The following STXBP6 variants were observed in gnomAD, a reference collection of about 807,000 sequenced individuals.
STXBP6 encodes the protein syntaxin binding protein 6.
STXBP6 carries 21 observed loss-of-function variants against 26.9 expected under a neutral mutation model. The ratio of observed to expected loss-of-function variants is 0.78; its 90% CI spans 0.55 to 1.12. The LOEUF (loss-of-function observed/expected upper bound fraction) is 1.12. Ranked by LOEUF, STXBP6 falls within the 50% of genes most tolerant of loss-of-function variation. The probability of loss-of-function intolerance (pLI) is 0.00; values close to 1 mark genes in which losing one functional copy is unlikely to be tolerated. For synonymous variants in STXBP6, 97 were observed against 92.6 expected, an observed-to-expected ratio of 1.05 and a Z score of -0.27; for missense variants, 232 against 257.9, an observed-to-expected ratio of 0.90 and a Z score of 0.69.
intron 1 of STXBP6, among the ~76,000 whole-genome samples, chr14:25,029,739 C>T (rs1014208790): frequency 6.6e-6 from 1 of 152,082 alleles, no homozygotes; most frequent in African/African-American, 2.4e-5. Context: ...TGCTTTCCCT[C>T]CTGAAAAGAC....
chr14:24,900,453 T>C (rs2071170919), intron 2 of STXBP6, among the ~76,000 whole-genome samples: 1 of 152,226 alleles, frequency 6.6e-6, no homozygotes, highest in Non-Finnish European at 1.5e-5. Flanking sequence ...AAAGAAGCTC[T>C]GCGTATGCTT....
chr14:25,040,972 G>T (rs971629566), intron 1 of STXBP6, among the ~76,000 whole-genome samples: 20 of 152,176 alleles, frequency 1.3e-4, no homozygotes, highest in African/African-American at 4.6e-4. Flanking sequence ...TACTTTATTA[G>T]CTTTAAGCTC....
intron 2 of STXBP6, 117 bp downstream of exon 2, chr14:24,974,548 G>A: frequency 1.1e-6 from 1 of 876,568 alleles, no homozygotes; most frequent in Non-Finnish European, 1.6e-6. Context: ...CGGGGAAAAG[G>A]AGCAAGACAG....
chr14:24,850,342 G>A (rs536904395), intron 4 of STXBP6, among the ~76,000 whole-genome samples: 108 of 152,178 alleles, frequency 7.1e-4, no homozygotes, highest in Non-Finnish European at 1.2e-3. Flanking sequence ...AGAGACATCT[G>A]TGTCCCTAGA....
In STXBP6 at chr14:24,919,656, T is replaced by C. The variant is rs151239499; in HGVS notation, c.154+55009A>G. ...TTTTATACAACAATTTTAATAAATCTGTGAATGCACCTCACATGTGTGACT... is the reference window on the plus strand; with the variant it reads ...TTTTATACAACAATTTTAATAAATCCGTGAATGCACCTCACATGTGTGACT... On this transcript the variant is annotated intron_variant, in intron 2 of 5. Transcript: ENST00000323944. Among the ~76,000 whole-genome samples the C allele has an allele frequency of 7.9e-5, 12 of 152,134 alleles. No homozygotes were observed. In the East Asian group the frequency reaches 2.3e-3, roughly 30 times the overall value.
rs1425030138 is a variant in STXBP6, at chr14:24,812,469, G to T, written c.*240C>A. 9.0e-6 allele frequency: 5 copies of T among 554,624 alleles called. No individual in the cohort carries two copies. The Admixed American group carries it at 1.2e-4, about 14-fold the overall frequency. The allele number at this position is 554,624 out of a possible 1,614,324, so 34.4% of individuals were successfully genotyped here. A position where few individuals can be genotyped will look rare whatever the true frequency, so the allele number is the denominator to read the frequency against. On this transcript the variant is annotated 3_prime_UTR_variant, in exon 6 of 6. Transcript: ENST00000323944. ...TATACACACATACACACAGTGGGAG[G>T]AGGCAAAAACCCAAAATGAAGCTGA...
intron 2 of STXBP6, among the ~76,000 whole-genome samples, chr14:24,961,692 A>G (rs1478520488): frequency 6.6e-6 from 1 of 152,198 alleles, no homozygotes; most frequent in Non-Finnish European, 1.5e-5. Flanking sequence ...CCTATCCAAT[A>G]CAATGTTCAC....
At chr14:24,973,144 T>C (rs1229691928) in intron 2 of STXBP6, among the ~76,000 whole-genome samples, 2 of 152,118 alleles carry the variant, frequency 1.3e-5, no homozygotes, top group African/African-American at 4.8e-5. Flanking sequence ...CACTTGAATT[T>C]CATTAACAAA....
At chr14:24,835,241 C>T (rs2068576896) in intron 4 of STXBP6, among the ~76,000 whole-genome samples, 1 of 152,246 alleles carries the variant, frequency 6.6e-6, no homozygotes, top group Non-Finnish European at 1.5e-5. Flanking sequence ...AGAAGCTGCT[C>T]TAGAGCGGCA....
At chr14:24,836,670 C>G (rs376685278) in intron 4 of STXBP6, among the ~76,000 whole-genome samples, 1 of 127,204 alleles carries the variant, frequency 7.9e-6, no homozygotes, top group African/African-American at 3.0e-5. Context: ...TAGCTATTAA[C>G]AGACTAAATT....
At chr14:25,008,925 G>A (rs2140368096) in intron 1 of STXBP6, among the ~76,000 whole-genome samples, 1 of 152,232 alleles carries the variant, frequency 6.6e-6, no homozygotes. Context: ...CACAAATACT[G>A]TGGTCAAAAG....
intron 1 of STXBP6, among the ~76,000 whole-genome samples, chr14:25,027,618 C>T (rs901891168): frequency 1.3e-5 from 2 of 152,148 alleles, no homozygotes; most frequent in African/African-American, 4.8e-5. Flanking sequence ...ATTAATAATC[C>T]TACAATTGAC....
chr14:25,045,169 T>C (rs1461752023), intron 1 of STXBP6, among the ~76,000 whole-genome samples: 1 of 152,184 alleles, frequency 6.6e-6, no homozygotes, highest in Non-Finnish European at 1.5e-5. Flanking sequence ...AAGATACATA[T>C]ATAACCTCAG....
intron 1 of STXBP6, among the ~76,000 whole-genome samples, chr14:25,028,550 T>C (rs961780497): frequency 1.3e-5 from 2 of 151,726 alleles, no homozygotes; most frequent in Non-Finnish European, 2.9e-5. Context: ...TCATTGACAA[T>C]GTACCTGGTC....
intron 2 of STXBP6, among the ~76,000 whole-genome samples, chr14:24,948,509 A>G (rs1372979342): frequency 6.6e-6 from 1 of 152,126 alleles, no homozygotes; most frequent in Non-Finnish European, 1.5e-5. Context: ...CTATGCTCAC[A>G]TAGTTGATTT....
At chr14:24,995,509 T>G (rs181901166) in intron 1 of STXBP6, among the ~76,000 whole-genome samples, 1 of 152,292 alleles carries the variant, frequency 6.6e-6, no homozygotes, top group East Asian at 1.9e-4. Flanking sequence ...TTGGAAATAC[T>G]TCTTAAAGAA....
chr14:24,857,005 C>A, intron 3 of STXBP6, 22 bp downstream of exon 3: 2 of 1,605,898 alleles, frequency 1.2e-6, no homozygotes, highest in South Asian at 1.1e-5. Context: ...TGCCTTTGCT[C>A]AGCATTGGAC....
At chr14:24,971,219 T>A (rs999120194) in intron 2 of STXBP6, among the ~76,000 whole-genome samples, 1 of 152,144 alleles carries the variant, frequency 6.6e-6, no homozygotes, top group Non-Finnish European at 1.5e-5. Context: ...TAAAATGTAC[T>A]AGATATTGGG....
intron 1 of STXBP6, chr14:24,987,847 C>G (rs2140270474): frequency 1.0e-6 from 1 of 985,478 alleles, no homozygotes; most frequent in South Asian, 4.7e-5. Context: ...AGAAAATGGA[C>G]AAAGAGCAGA....
Sources: gnomAD v4.1 joint callset for allele counts (sites outside exome capture counted in the v4.1 genomes callset) on GRCh38, gnomAD v4.1.1 for gene constraint, MANE v1.5 for transcripts, NCBI Gene and HGNC (gene_info 2026-07-23, HGNC 2026-07-21) for gene names.